KCNH6: variants seen among roughly 807,000 people sequenced by gnomAD.
KCNH6 encodes the protein voltage-gated inwardly rectifying potassium channel KCNH6.
KCNH6 carries 81 observed loss-of-function variants against 83.4 expected under a neutral mutation model. The observed-to-expected ratio is 0.97, with a 90% CI of 0.81 to 1.17. The LOEUF is 1.17. KCNH6 is among the 50% of genes most tolerant of loss of function. The probability of loss-of-function intolerance (pLI) is 0.00; values close to 1 mark genes in which losing one functional copy is unlikely to be tolerated. For missense variants in KCNH6, 1,203 were observed against 1,290.5 expected (o/e 0.93, Z 1.04); for synonymous variants, 503 against 545.6 (o/e 0.92, Z 1.09).
Position 63,538,848 on chromosome 17 carries a change from C to T in KCNH6, c.1954+186C>T, listed in dbSNP as rs1352255391. ...CTGAATCCTTAAAACAACCCTCTGC[C>T]GGAGGTCCCATTTTCCTGAGAGGGA... On this transcript the variant is annotated intron_variant, in intron 8 of 12. Transcript: ENST00000314672. This position sits in a 1 kb window ranked among gnomAD's most constrained non-coding sequence, Gnocchi z 4.0. Among the ~76,000 whole-genome samples the T allele has an allele frequency of 2.6e-5, 4 of 152,168 alleles. No homozygotes were observed. The highest frequency in any genetic ancestry group is 4.4e-5 in the Non-Finnish European group (3 of 68,020).
chr17:63,542,518 C>G (rs1016511593), intron 9 of KCNH6, 84 bp downstream of exon 9: 1 of 1,207,042 alleles, frequency 8.3e-7, no homozygotes, highest in African/African-American at 1.5e-5. Flanking sequence ...GACCAACACC[C>G]TTCCTTTCAA....
In KCNH6 at chr17:63,546,103, G is replaced by A. The variant is rs1286470308; in HGVS notation, c.*201G>A. ...AAAAAGAAAAAAAATAGCCGGGCGTGGTGGCAGGCGCCTGTAATCCCAGCT... is the reference window on the plus strand; with the variant it reads ...AAAAAGAAAAAAAATAGCCGGGCGTAGTGGCAGGCGCCTGTAATCCCAGCT... On this transcript the variant is annotated 3_prime_UTR_variant, in exon 13 of 13. Coordinates refer to ENST00000314672, the MANE Select transcript of KCNH6 (RefSeq NM_001278919.2). 5.7e-6 allele frequency: 3 copies of A among 526,098 alleles called. No individual in the cohort carries two copies. The highest frequency in any genetic ancestry group is 1.0e-5 in the Non-Finnish European group (3 of 295,342). The allele number at this position is 526,098 out of a possible 1,614,324, so 32.6% of individuals were successfully genotyped here.
At position 63,534,208 on chromosome 17, in the gene KCNH6, A is replaced by AC. The variant is rs755897069; in HGVS notation, c.1003dup (p.Arg335ProfsTer15). The AC allele has an allele frequency of 1.9e-6, 3 of 1,563,660 alleles. No homozygotes were observed. The South Asian group carries it at 3.7e-5, about 19-fold the overall frequency. ...AACACCAATGATGAGGTGGTCAGCC[A>AC]CCCCCGCCGCATCGCCGTCCACTAC... On this transcript the variant is annotated frameshift_variant, in exon 5 of 13. Transcript: ENST00000314672. LOFTEE classifies it high-confidence loss of function. This position sits in a 1 kb window ranked among gnomAD's most constrained non-coding sequence, Gnocchi z 5.0.
rs1460559390 is a variant in KCNH6, at chr17:63,538,857, C to G, written c.1954+195C>G. Among the ~76,000 whole-genome samples, 1 of 152,220 alleles carries G rather than the reference C, an allele frequency of 6.6e-6. No individual in the cohort carries two copies. On this transcript the variant is annotated intron_variant, in intron 8 of 12. Coordinates refer to ENST00000314672, the MANE Select transcript of KCNH6 (RefSeq NM_001278919.2). The surrounding 1 kb of genome is among the most constrained non-coding windows in gnomAD (Gnocchi z 4.0). ...TAAAACAACCCTCTGCCGGAGGTCC[C>G]ATTTTCCTGAGAGGGAAGTTGAGGC...
intron 8 of KCNH6, among the ~76,000 whole-genome samples, chr17:63,541,516 G>A (rs569921480): frequency 1.3e-5 from 2 of 148,562 alleles, no homozygotes; most frequent in South Asian, 2.1e-4. Flanking sequence ...GACTGGTCTC[G>A]AACCGACCTC....
At chr17:63,544,550 C>A in intron 11 of KCNH6, 139 bp downstream of exon 11, 1 of 669,332 alleles carries the variant, frequency 1.5e-6, no homozygotes, top group Non-Finnish European at 2.3e-6. Flanking sequence ...TGTCATTAAG[C>A]ACAATTCCCC....
intron 6 of KCNH6, among the ~76,000 whole-genome samples, chr17:63,536,796 A>T (rs1238620243): frequency 7.9e-5 from 12 of 151,140 alleles, no homozygotes; most frequent in Non-Finnish European, 1.5e-4. Flanking sequence ...CTCTACTAAA[A>T]ATACAAAAAT....
At chr17:63,544,936 TC>T in intron 11 of KCNH6, 141 bp from the exon 12 acceptor site, 1 of 793,038 alleles carries the variant, frequency 1.3e-6, no homozygotes, top group Non-Finnish European at 2.1e-6. Flanking sequence ...GGGCTGTGGA[TC>T]CCAGTAAGGA....
In KCNH6 at chr17:63,529,308, ATCC is replaced by A. The variant is rs551430755; in HGVS notation, c.308-776_308-774del. 1.7e-4 allele frequency among the ~76,000 whole-genome samples: 26 copies of A among 152,188 alleles called. No individual in the cohort carries two copies. The East Asian group carries it at 4.8e-3, about 28-fold the overall frequency. On this transcript the variant is annotated intron_variant, in intron 2 of 12. Transcript: ENST00000314672. Reference sequence around the variant, plus strand: ...GGGCCTGCCCTGCCCCCACAGGGCCATCCTCCTCCCTCTGTGGTGCCCAGGCCA... The same window carrying A: ...GGGCCTGCCCTGCCCCCACAGGGCCATCCTCCCTCTGTGGTGCCCAGGCCA...
rs747635822 is a variant in KCNH6, at chr17:63,535,744, T to C, written c.1177T>C (p.Tyr393His). ...LVRVARKLDR[Y>H]SEYGAAVLFL... ...GCGCGTAGCACGGAAGCTGGACCGC[T>C]ACTCTGAGTATGGGGCGGCTGTGCT... The change falls in exon 6 of 13, where the codon TAC becomes CAC. Residue 393 changes from tyrosine (Y) to histidine (H), a missense_variant. Physicochemically the swap from Tyr to His is moderately conservative, Grantham distance 83. Coordinates refer to ENST00000314672, the MANE Select transcript of KCNH6 (RefSeq NM_001278919.2). This position sits in a 1 kb window ranked among gnomAD's most constrained non-coding sequence, Gnocchi z 4.9. The C allele has an allele frequency of 6.2e-7, 1 of 1,614,100 alleles. No individual in the cohort carries two copies. The highest frequency in any genetic ancestry group is 8.5e-7 in the Non-Finnish European group (1 of 1,180,050).
At chr17:63,529,704 G>A (rs1014066112) in intron 2 of KCNH6, among the ~76,000 whole-genome samples, 3 of 152,156 alleles carry the variant, frequency 2.0e-5, no homozygotes, top group Admixed American at 1.3e-4. Flanking sequence ...TGGGAAGAGC[G>A]CCCAGGGCCA....
rs2032275150 is a variant in KCNH6 at position 63,533,769 on chromosome 17, C to T, written c.676-117C>T. The T allele has an allele frequency of 5.5e-6, 5 of 906,434 alleles. No homozygotes were observed. The highest frequency in any genetic ancestry group is 8.4e-6 in the Non-Finnish European group (5 of 593,090). 56.1% of individuals were successfully genotyped at this position (906,434 alleles called of 1,614,324 possible). ...ATCTCTCCCTCATCCCCTCTGCCCA[C>T]CAGAGCCGTGGTCACCCACCCTCTC... On this transcript the variant is annotated intron_variant, in intron 4 of 12. Coordinates refer to ENST00000314672, the MANE Select transcript of KCNH6 (RefSeq NM_001278919.2). This position sits in a 1 kb window ranked among gnomAD's most constrained non-coding sequence, Gnocchi z 4.1.
rs1568069874 is a variant in KCNH6, at chr17:63,530,546, C to T, written c.675+4C>T. 5 of 1,613,598 alleles carry T rather than the reference C, an allele frequency of 3.1e-6. No homozygotes were observed. The highest frequency in any genetic ancestry group is 2.2e-5 in the East Asian group (1 of 44,884). On this transcript the variant is annotated splice_donor_region_variant and intron_variant, in intron 4 of 12. Coordinates refer to ENST00000314672, the MANE Select transcript of KCNH6 (RefSeq NM_001278919.2). ...CGTCACTGAGAAGGTCACCCAGGTG[C>T]GGGCCTGCAGAGCAGGGTGTGCAGA...
chr17:63,538,077 C>T lies in KCNH6; in HGVS notation c.1514C>T (p.Ala505Val). ...CVMLIGSLMY[A>V]SIFGNVSAII... ...GCCCCGCCCCCAGCCCTGATGTACGCCAGCATCTTCGGGAACGTGTCCGCG... is the reference window on the plus strand; with the variant it reads ...GCCCCGCCCCCAGCCCTGATGTACGTCAGCATCTTCGGGAACGTGTCCGCG... The change falls in exon 7 of 13, where the codon GCC becomes GTC. Residue 505 changes from alanine to valine, a missense_variant. Transcript: ENST00000314672. The surrounding 1 kb of genome is among the most constrained non-coding windows in gnomAD (Gnocchi z 4.0). 3 of 1,613,606 alleles carry T rather than the reference C, an allele frequency of 1.9e-6. No individual in the cohort carries two copies. The highest frequency in any genetic ancestry group is 2.2e-5 in the East Asian group (1 of 44,856).
chr17:63,547,761 C>T (rs1161970928), downstream of KCNH6, among the ~76,000 whole-genome samples: 1 of 151,576 alleles, frequency 6.6e-6, no homozygotes, highest in Non-Finnish European at 1.5e-5. Context: ...CCAGCCTGGG[C>T]AGCATAGCTC....
chr17:63,545,632 T>C lies in KCNH6; in HGVS notation c.2607T>C (p.Asp869=), dbSNP rs2147742643. Residue 869 remains aspartate, a synonymous_variant, in exon 13 of 13, where the codon GAT becomes GAC. Transcript: ENST00000314672. The part of the protein sequence containing the change: ...PAQTPSYGDL[D]DCSPKHRNSS... ...AGACCCCAAGCTATGGAGACTTGGA[T>C]GACTGTAGTCCAAAGCACAGGAACT... is the stretch of plus-strand genomic sequence containing the variant. 6.2e-7 allele frequency: 1 copy of C among 1,613,800 alleles called. No individual in the cohort carries two copies. The highest frequency in any genetic ancestry group is 8.5e-7 in the Non-Finnish European group (1 of 1,179,906).
Position 63,533,980 on chromosome 17 carries a change from C to T in KCNH6, c.770C>T (p.Ala257Val). 6.2e-7 allele frequency: 1 copy of T among 1,614,178 alleles called. No homozygotes were observed. Among genetic ancestry groups the T allele is most frequent in the Non-Finnish European group, 8.5e-7 (1 of 1,180,020 alleles). The change falls in exon 5 of 13, where the codon GCC becomes GTC. Residue 257 changes from alanine (A) to valine (V), a missense_variant. Ala to Val is a moderately conservative substitution (Grantham distance 64). Coordinates refer to ENST00000314672, the MANE Select transcript of KCNH6 (RefSeq NM_001278919.2). The surrounding 1 kb of genome is among the most constrained non-coding windows in gnomAD (Gnocchi z 4.1). ...ATCCTGCACTACAGCCCCTTCAAGG[C>T]CGTGTGGGACTGGCTCATCCTGCTG... ...WTILHYSPFK[A>V]VWDWLILLLV...
At position 63,535,256 on chromosome 17, in the gene KCNH6, C is replaced by T. The variant is rs954737490; in HGVS notation, c.1102-413C>T. On this transcript the variant is annotated intron_variant, in intron 5 of 12. Transcript: ENST00000314672. This position sits in a 1 kb window ranked among gnomAD's most constrained non-coding sequence, Gnocchi z 4.9. Reference sequence around the variant, plus strand: ...ATGTGCGCATCGGGCTGCAGTGCCACACTCGGTTTCCCACATCGGCCACGC... The same window carrying T: ...ATGTGCGCATCGGGCTGCAGTGCCATACTCGGTTTCCCACATCGGCCACGC... 2.6e-5 allele frequency among the ~76,000 whole-genome samples: 4 copies of T among 152,236 alleles called. No individual in the cohort carries two copies. Among genetic ancestry groups the T allele is most frequent in the Non-Finnish European group, 5.9e-5 (4 of 68,038 alleles).
In KCNH6 at chr17:63,532,172, C is replaced by T. The variant is rs115938638; in HGVS notation, c.675+1630C>T. Among the ~76,000 whole-genome samples the T allele has an allele frequency of 8.3e-3, 1,266 of 152,274 alleles. 18 individuals carry two copies. Among genetic ancestry groups the T allele is most frequent in the African/African-American group, 0.029 (1,212 of 41,554 alleles). On this transcript the variant is annotated intron_variant, in intron 4 of 12. Coordinates refer to ENST00000314672, the MANE Select transcript of KCNH6 (RefSeq NM_001278919.2). ...AGAAGCTGAGGAACTCTATTCTCAG[C>T]CTACTTTAAACCACCCCCCACCATT...
Sources: allele counts gnomAD v4.1 joint callset (sites outside exome capture counted in the v4.1 genomes callset), GRCh38; gene constraint gnomAD v4.1.1; non-coding constraint Gnocchi (gnomAD v3.1); transcripts MANE v1.5; gene names NCBI Gene and HGNC (gene_info 2026-07-23, HGNC 2026-07-21).